The following MCF2L variants were observed in gnomAD, a reference collection of about 807,000 sequenced individuals.
MCF2L encodes the protein guanine nucleotide exchange factor DBS.
A neutral mutation model predicts 153.4 loss-of-function variants in MCF2L; 97 were observed. The observed-to-expected ratio is 0.63, with a 90% CI of 0.54 to 0.75. MCF2L has a LOEUF of 0.75. Among genes scored for constraint, MCF2L ranks in the 30% least tolerant of loss-of-function variants. The pLI, the probability that MCF2L is intolerant of heterozygous loss-of-function variation, is 0.00. For synonymous variants in MCF2L, 659 were observed against 632.2 expected (o/e 1.04, Z -0.64); for missense variants, 1,347 against 1,495.2 (o/e 0.90, Z 1.64).
At chr13:112,964,980 A>T (rs1181473419), upstream of MCF2L, 1 of 152,252 alleles carries the variant, frequency 6.6e-6, no homozygotes, top group Admixed American at 6.5e-5. Flanking sequence ...TAGATGACAG[A>T]GTCCAGGTCA....
At chr13:112,920,767 A>G (rs987835095) in intron 2 of MCF2L, among the ~76,000 whole-genome samples, 5 of 152,006 alleles carry the variant, frequency 3.3e-5, no homozygotes, top group Admixed American at 1.3e-4. Flanking sequence ...CCAGGTGGAC[A>G]GGATTCAGAA....
chr13:113,057,506 T>TGAG (rs2030290005), intron 4 of MCF2L, among the ~76,000 whole-genome samples: 1 of 60,062 alleles, frequency 1.7e-5, no homozygotes, highest in Non-Finnish European at 3.8e-5. Context: ...CGCTGAGTGT[T>TGAG]TGGGTGCTGA....
chr13:113,077,603 G>A lies in MCF2L; in HGVS notation c.1660+392G>A, dbSNP rs542078222. Among the ~76,000 whole-genome samples, 104 of 152,250 alleles carry A rather than the reference G, an allele frequency of 6.8e-4. 1 individual carries two copies. The highest frequency in any genetic ancestry group is 2.3e-3 in the African/African-American group (96 of 41,538). ...GCCTCTCCACGGTCTGTCCTTTCCCGGTGCTATTGCCAAACAACATTCCTC... is the reference window on the plus strand; with the variant it reads ...GCCTCTCCACGGTCTGTCCTTTCCCAGTGCTATTGCCAAACAACATTCCTC... On this transcript the variant is annotated intron_variant, in intron 13 of 29. Transcript: ENST00000535094.
intron 8 of MCF2L, 90 bp from the exon 9 acceptor site, chr13:113,069,969 G>A: frequency 1.3e-6 from 1 of 799,564 alleles, no homozygotes; most frequent in Admixed American, 2.6e-5. Flanking sequence ...GGGTGGAGAT[G>A]AGCCTTGGGG....
chr13:112,976,142 G>T (rs1336837673), intron 1 of MCF2L, among the ~76,000 whole-genome samples: 6 of 149,972 alleles, frequency 4.0e-5, no homozygotes, highest in Non-Finnish European at 8.9e-5. Flanking sequence ...AATGTTCCGG[G>T]TTTTTTTTTT....
intron 2 of MCF2L, among the ~76,000 whole-genome samples, chr13:112,938,947 T>A (rs1303497090): frequency 6.6e-6 from 1 of 152,138 alleles, no homozygotes; most frequent in Non-Finnish European, 1.5e-5. Flanking sequence ...AGCTTTGGAG[T>A]GAACCAGACA....
At chr13:113,060,900 AC>A (rs1257824942) in intron 5 of MCF2L, among the ~76,000 whole-genome samples, 188 bp downstream of exon 5, 4 of 83,950 alleles carry the variant, frequency 4.8e-5, no homozygotes, top group African/African-American at 1.8e-4. Context: ...TTCTTCCCCC[AC>A]CCCCGCCCCC....
intron 2 of MCF2L, among the ~76,000 whole-genome samples, chr13:112,935,692 C>T (rs2081507858): frequency 6.6e-6 from 1 of 152,208 alleles, no homozygotes; most frequent in African/African-American, 2.4e-5. Flanking sequence ...AGTGCATTTT[C>T]TACTTATGAT....
chr13:113,081,804 G>C (rs537540719), intron 16 of MCF2L, among the ~76,000 whole-genome samples: 93 of 151,476 alleles, frequency 6.1e-4, no homozygotes, highest in Non-Finnish European at 7.7e-4. Flanking sequence ...GAGTGTAGAC[G>C]GGTGTCCGAA....
intron 2 of MCF2L, among the ~76,000 whole-genome samples, chr13:112,931,246 G>T (rs55955365): frequency 0.21 from 32,401 of 152,148 alleles, 4,041 homozygotes; most frequent in South Asian, 0.3. Flanking sequence ...GAGGAACAGG[G>T]TGCTGACCTG....
In MCF2L at chr13:112,942,511, GTCTTT is replaced by G. The variant is rs1349953081; in HGVS notation, c.169+40147_169+40151del. On this transcript the variant is annotated intron_variant, in intron 2 of 29. Coordinates refer to the MCF2L transcript ENST00000375608. ...TGGTAGTGGTCCCCCAGGCCCAGCT[GTCTTT>G]TCTTTTATCTCTTTGTCTTGTGTCT... Among the ~76,000 whole-genome samples, 14 of 152,256 alleles carry G rather than the reference GTCTTT, an allele frequency of 9.2e-5. No individual in the cohort carries two copies. In the South Asian group the frequency reaches 1.2e-3, roughly 14 times the overall value.
chr13:113,087,174 T>C, intron 21 of MCF2L, 61 bp from the exon 22 acceptor site: 1 of 1,427,626 alleles, frequency 7.0e-7, no homozygotes. Context: ...CACTCAGCGA[T>C]GCGCGTCCAT....
At chr13:113,069,445 C>T (rs1361485082) in intron 8 of MCF2L, among the ~76,000 whole-genome samples, 1 of 59,672 alleles carries the variant, frequency 1.7e-5, no homozygotes, top group African/African-American at 8.1e-5. Flanking sequence ...GCTGGAGTCC[C>T]AGCTACTCGG....
At chr13:112,997,103 T>G (rs1326960666) in intron 1 of MCF2L, among the ~76,000 whole-genome samples, 1 of 152,200 alleles carries the variant, frequency 6.6e-6, no homozygotes, top group African/African-American at 2.4e-5. Flanking sequence ...TCTGAGATCA[T>G]CTCGTCCTCA....
chr13:112,968,525 C>A, upstream of MCF2L: 1 of 1,568,034 alleles, frequency 6.4e-7, no homozygotes, highest in Non-Finnish European at 8.6e-7. Flanking sequence ...GTCCTGCGTC[C>A]TTGGGCAGGC....
intron 2 of MCF2L, among the ~76,000 whole-genome samples, chr13:112,938,426 C>T (rs999793678): frequency 6.6e-6 from 1 of 152,038 alleles, no homozygotes; most frequent in East Asian, 1.9e-4. Context: ...CAGTAAGTGG[C>T]CTCTTGGGGC....
chr13:112,962,104 C>T (rs115689306), intron 2 of MCF2L, among the ~76,000 whole-genome samples: 4 of 22,622 alleles, frequency 1.8e-4, no homozygotes, highest in Non-Finnish European at 2.9e-4. Context: ...TGCACACACA[C>T]GCACGGACAC....
At chr13:112,976,191 CGTGT>C (rs56098508) in intron 1 of MCF2L, among the ~76,000 whole-genome samples, 1 of 148,736 alleles carries the variant, frequency 6.7e-6, no homozygotes, top group African/African-American at 2.5e-5. Context: ...TGTGTGTGTG[CGTGT>C]GTGTGTGTGT....
chr13:112,930,371 T>C (rs189066503), intron 2 of MCF2L, among the ~76,000 whole-genome samples: 1 of 152,120 alleles, frequency 6.6e-6, no homozygotes, highest in East Asian at 1.9e-4. Context: ...TGAAAAGAAA[T>C]GGGCTAAGTC....
Sources: gnomAD v4.1 joint callset for allele counts (sites outside exome capture counted in the v4.1 genomes callset) on GRCh38, gnomAD v4.1.1 for gene constraint, MANE v1.5 for transcripts, NCBI Gene and HGNC (gene_info 2026-07-23, HGNC 2026-07-21) for gene names.